SERINC5: variants seen among roughly 807,000 people sequenced by gnomAD.
The protein encoded by SERINC5 is serine incorporator 5, also known as chromosome 5 open reading frame 12.
SERINC5 carries 41 observed loss-of-function variants against 63.1 expected under a neutral mutation model. That is an observed-to-expected ratio of 0.65 (90% confidence interval 0.51 to 0.84). SERINC5 has a LOEUF of 0.84. SERINC5 is among the 40% of genes least tolerant of loss of function. The probability of loss-of-function intolerance (pLI) is 0.00; values close to 1 mark genes in which losing one functional copy is unlikely to be tolerated. For synonymous variants in SERINC5, 222 were observed against 215.2 expected (o/e 1.03, Z -0.28); for missense variants, 523 against 573.0 (o/e 0.91, Z 0.89).
Position 80,143,690 on chromosome 5 carries a change from G to A in SERINC5, c.1359C>T (p.Cys453=), listed in dbSNP as rs1409372425. Residue 453 remains cysteine (C), a synonymous_variant, in exon 12 of 12, where the codon TGC becomes TGT. Transcript: ENST00000507668. The part of the protein sequence containing the change: ...LYLCTLVAPL[C]CPTREFSV ...ACACAGAGAACTCCCGGGTGGGGCA[G>A]CAGAGGGGAGCGACCAGCGTACACA... 6.5e-7 allele frequency: 1 copy of A among 1,536,148 alleles called. No individual in the cohort carries two copies. Among genetic ancestry groups the A allele is most frequent in the Non-Finnish European group, 8.7e-7 (1 of 1,146,884 alleles).
At chr5:80,237,766 AAAG>A (rs535105452) in intron 1 of SERINC5, among the ~76,000 whole-genome samples, 204 of 152,206 alleles carry the variant, frequency 1.3e-3, no homozygotes, top group African/African-American at 4.8e-3. Flanking sequence ...AGAAAAAAAA[AAAG>A]AAGTCAGAGA....
Position 80,150,967 on chromosome 5 carries a change from C to A in SERINC5, c.987-19G>T. ...TGTCAAACTAAGAAACAGACAAAAA[C>A]GTCAGCTGGGCATATTAACACATTA... On this transcript the variant is annotated intron_variant, in intron 8 of 11. Transcript: ENST00000507668. 4 of 1,602,526 alleles carry A rather than the reference C, an allele frequency of 2.5e-6. No homozygotes were observed. Among genetic ancestry groups the A allele is most frequent in the South Asian group, 1.1e-5 (1 of 90,836 alleles).
chr5:80,163,800 T>C (rs528161074), intron 7 of SERINC5, among the ~76,000 whole-genome samples: 16 of 152,214 alleles, frequency 1.1e-4, no homozygotes, highest in Admixed American at 3.3e-4. Flanking sequence ...TTTCCATCTA[T>C]GTTCATCAGG....
intron 1 of SERINC5, among the ~76,000 whole-genome samples, chr5:80,206,244 AG>A (rs1411329301): frequency 1.3e-5 from 2 of 152,226 alleles, no homozygotes; most frequent in Non-Finnish European, 2.9e-5. Context: ...AGACTCTGCA[AG>A]GCTTCAAAAC....
In SERINC5 at chr5:80,232,132, A is replaced by C. The variant is rs558957290; in HGVS notation, c.27+23764T>G. On this transcript the variant is annotated intron_variant, in intron 1 of 11. Coordinates refer to ENST00000507668, the MANE Select transcript of SERINC5 (RefSeq NM_001174072.3). Reference sequence around the variant, plus strand: ...AAAAAAAAAAAAAAAAGGCCGGGCAAGGTGGCTCACGCCTGTAATCCCAGC... The same window carrying C: ...AAAAAAAAAAAAAAAAGGCCGGGCACGGTGGCTCACGCCTGTAATCCCAGC... 3.6e-3 allele frequency among the ~76,000 whole-genome samples: 527 copies of C among 148,198 alleles called. 7 individuals are homozygous for C. The highest frequency in any genetic ancestry group is 8.8e-3 in the African/African-American group (354 of 40,148).
rs75671234 is a variant in SERINC5 at position 80,198,917 on chromosome 5, G to A, written c.195+3969C>T. Among the ~76,000 whole-genome samples, 46 of 152,202 alleles carry A rather than the reference G, an allele frequency of 3.0e-4. No individual in the cohort carries two copies. In the East Asian group the frequency reaches 8.5e-3, roughly 28 times the overall value. On this transcript the variant is annotated intron_variant, in intron 2 of 11. Transcript: ENST00000507668. ...AAACATTTACAAGAGCCTCTGTGAGGGACATCAGGGTTGCCTTCCCTCTCT... is the reference window on the plus strand; with the variant it reads ...AAACATTTACAAGAGCCTCTGTGAGAGACATCAGGGTTGCCTTCCCTCTCT...
intron 2 of SERINC5, among the ~76,000 whole-genome samples, chr5:80,180,343 G>C (rs944965039): frequency 7.2e-5 from 11 of 152,054 alleles, no homozygotes; most frequent in Admixed American, 7.2e-4. Flanking sequence ...GAAAAATAAA[G>C]TATCACAGAG....
intron 11 of SERINC5, among the ~76,000 whole-genome samples, chr5:80,125,989 A>G (rs1744733597): frequency 6.6e-6 from 1 of 152,184 alleles, no homozygotes; most frequent in Non-Finnish European, 1.5e-5. Flanking sequence ...CAGTTCAGAG[A>G]CTCTATCAGA....
At chr5:80,153,061 C>A (rs1746287653) in intron 8 of SERINC5, among the ~76,000 whole-genome samples, 1 of 152,114 alleles carries the variant, frequency 6.6e-6, no homozygotes, top group South Asian at 2.1e-4. Context: ...ATCAAAGAGG[C>A]CTAACATGGG....
chr5:80,121,920 G>A (rs1253332270), intron 11 of SERINC5, among the ~76,000 whole-genome samples: 3 of 151,752 alleles, frequency 2.0e-5, no homozygotes, highest in Admixed American at 6.6e-5. Flanking sequence ...CTGCCCCCAC[G>A]ACCCAGACAC....
intron 5 of SERINC5, among the ~76,000 whole-genome samples, chr5:80,174,478 G>T (rs944369839): frequency 4.0e-5 from 6 of 151,764 alleles, no homozygotes; most frequent in African/African-American, 1.2e-4. Context: ...CTATCCTACT[G>T]TTTTTAGGAT....
intron 2 of SERINC5, among the ~76,000 whole-genome samples, chr5:80,186,897 T>C (rs919889573): frequency 6.6e-6 from 1 of 152,168 alleles, no homozygotes; most frequent in Non-Finnish European, 1.5e-5. Context: ...GGCTCACGTA[T>C]GTAATCCCAG....
chr5:80,150,928 G>C lies in SERINC5; in HGVS notation c.1007C>G (p.Ser336Trp), dbSNP rs768554900. ...LYSCLTSTTRSSSDALQGRYA... is the reference protein window; with the variant it reads ...LYSCLTSTTRWSSDALQGRYA... The stretch of plus-strand genomic sequence containing the variant: ...TCGCCCCTGCAGAGCGTCAGAACTC[G>C]ATCTTGTTGTTGATGTCAAACTAAG... Residue 336 changes from serine (S) to tryptophan (W), a missense_variant, in exon 9 of 12, where the codon TCG (serine) becomes TGG (tryptophan). Physicochemically the swap from Ser to Trp is radical, Grantham distance 177. Transcript: ENST00000507668. The C allele has an allele frequency of 3.7e-6, 6 of 1,613,354 alleles. No homozygotes were observed. Among genetic ancestry groups the C allele is most frequent in the Non-Finnish European group, 5.1e-6 (6 of 1,179,318 alleles).
At position 80,203,270 on chromosome 5, in the gene SERINC5, A is replaced by ATATG. The variant is rs557176325; in HGVS notation, c.28-218_28-217insCATA. 6.6e-4 allele frequency: 133 copies of ATATG among 200,926 alleles called. 3 individuals are homozygous for ATATG. The South Asian group carries it at 7.1e-3, about 11-fold the overall frequency. The allele number at this position is 200,926 out of a possible 1,614,324, so 12.4% of individuals were successfully genotyped here. A position where few individuals can be genotyped will look rare whatever the true frequency, so the allele number is the denominator to read the frequency against. On this transcript the variant is annotated intron_variant, in intron 1 of 11. Coordinates refer to ENST00000507668, the MANE Select transcript of SERINC5 (RefSeq NM_001174072.3). ...AATATATATACACATATATATATAT[A>ATATG]TGTGTATATATATTTATATATATTG...
chr5:80,163,668 A>G (rs1419739615), intron 7 of SERINC5, among the ~76,000 whole-genome samples: 2 of 152,080 alleles, frequency 1.3e-5, no homozygotes, highest in African/African-American at 4.8e-5. Context: ...ATGATGTATC[A>G]TATTTATTAA....
At chr5:80,209,874 C>G (rs913410250) in intron 1 of SERINC5, among the ~76,000 whole-genome samples, 1 of 151,858 alleles carries the variant, frequency 6.6e-6, no homozygotes, top group Non-Finnish European at 1.5e-5. Context: ...ATGGCAAAAC[C>G]CCATCTCTAC....
intron 1 of SERINC5, among the ~76,000 whole-genome samples, chr5:80,210,112 A>G (rs1272141818): frequency 6.6e-6 from 1 of 152,166 alleles, no homozygotes; most frequent in Admixed American, 6.5e-5. Flanking sequence ...AAGCATTTGC[A>G]AATGTGGTAT....
intron 8 of SERINC5, among the ~76,000 whole-genome samples, chr5:80,155,099 G>A (rs1304938565): frequency 1.3e-5 from 2 of 152,206 alleles, no homozygotes; most frequent in African/African-American, 4.8e-5. Flanking sequence ...AGACTGACCT[G>A]ATCAACTCTG....
chr5:80,200,493 C>A (rs112856741), intron 2 of SERINC5, among the ~76,000 whole-genome samples: 43,381 of 148,814 alleles, frequency 0.29, 6,621 homozygotes, highest in African/African-American at 0.31. Flanking sequence ...CTCAAAAAAA[C>A]AAAAGAAAAG....
Sources: gnomAD v4.1 joint callset for allele counts (sites outside exome capture counted in the v4.1 genomes callset) on GRCh38, gnomAD v4.1.1 for gene constraint, MANE v1.5 for transcripts, NCBI Gene and HGNC (gene_info 2026-07-23, HGNC 2026-07-21) for gene names.